The following PRKCE variants were observed in gnomAD, a reference collection of about 807,000 sequenced individuals.
The protein encoded by PRKCE is protein kinase C epsilon type.
In PRKCE, 16 loss-of-function variants were observed where a neutral mutation model predicts 85.4. The ratio of observed to expected loss-of-function variants is 0.19; its 90% CI spans 0.13 to 0.28. The LOEUF (loss-of-function observed/expected upper bound fraction) is 0.28. PRKCE is among the 10% of genes least tolerant of loss of function. The pLI is 1.00. For synonymous variants in PRKCE, 388 were observed against 371.5 expected, an observed-to-expected ratio of 1.04 and a Z score of -0.51; for missense variants, 573 against 975.2, an observed-to-expected ratio of 0.59 and a Z score of 5.49.
At chr2:46,061,312 G>T (rs572172687) in intron 10 of PRKCE, among the ~76,000 whole-genome samples, 131 of 151,978 alleles carry the variant, frequency 8.6e-4, no homozygotes, top group African/African-American at 3.2e-3. Flanking sequence ...GTTTTACCAT[G>T]TTGCTCAGGC....
At chr2:45,945,077 C>T (rs985034802) in intron 2 of PRKCE, among the ~76,000 whole-genome samples, 3 of 152,164 alleles carry the variant, frequency 2.0e-5, no homozygotes, top group South Asian at 2.1e-4. Context: ...GGCAGGGAAA[C>T]GATGGCCACA....
At chr2:45,953,315 GT>G (rs1164390251) in intron 2 of PRKCE, among the ~76,000 whole-genome samples, 1 of 152,138 alleles carries the variant, frequency 6.6e-6, no homozygotes, top group Non-Finnish European at 1.5e-5. Flanking sequence ...CTACCCACGG[GT>G]CACATATTTG....
At chr2:45,906,706 A>G (rs1004666170) in intron 2 of PRKCE, among the ~76,000 whole-genome samples, 1 of 152,210 alleles carries the variant, frequency 6.6e-6, no homozygotes, top group Non-Finnish European at 1.5e-5. Flanking sequence ...GGGAGGCAGC[A>G]GGAACCAAGG....
chr2:45,735,854 G>T (rs796463582), intron 1 of PRKCE, among the ~76,000 whole-genome samples: 1 of 152,240 alleles, frequency 6.6e-6, no homozygotes, highest in South Asian at 2.1e-4. Context: ...GTTGCGGAGG[G>T]TTGTGGAGAA....
intron 2 of PRKCE, among the ~76,000 whole-genome samples, chr2:45,974,450 G>A (rs1702305112): frequency 6.6e-6 from 1 of 152,174 alleles, no homozygotes; most frequent in African/African-American, 2.4e-5. Context: ...CAAGAAGCAA[G>A]GGGATCCACA....
At chr2:45,728,209 T>G (rs891524985) in intron 1 of PRKCE, among the ~76,000 whole-genome samples, 1 of 152,184 alleles carries the variant, frequency 6.6e-6, no homozygotes, top group East Asian at 1.9e-4. Context: ...TCTAAATAAA[T>G]TAAGGGTAGT....
At chr2:45,727,860 G>C (rs570004335) in intron 1 of PRKCE, among the ~76,000 whole-genome samples, 33 of 152,116 alleles carry the variant, frequency 2.2e-4, no homozygotes, top group African/African-American at 8.0e-4. Context: ...TCACCATGTT[G>C]GTCAGGCTGG....
chr2:45,842,379 C>A (rs527728023), intron 1 of PRKCE, among the ~76,000 whole-genome samples: 1 of 152,238 alleles, frequency 6.6e-6, no homozygotes, highest in East Asian at 1.9e-4. Flanking sequence ...CAGCATTGTT[C>A]CCCATTTTTT....
intron 1 of PRKCE, among the ~76,000 whole-genome samples, chr2:45,740,147 CAA>C (rs34143359): frequency 1.5e-5 from 2 of 135,692 alleles, no homozygotes. Flanking sequence ...GACCCCATCT[CAA>C]AAAAAAAAAA....
intron 10 of PRKCE, among the ~76,000 whole-genome samples, chr2:46,065,981 C>T (rs1667590604): frequency 6.6e-6 from 1 of 152,142 alleles, no homozygotes; most frequent in Non-Finnish European, 1.5e-5. Flanking sequence ...CTGTATTGGT[C>T]CCCGACCACC....
intron 11 of PRKCE, among the ~76,000 whole-genome samples, chr2:46,126,646 T>C (rs750445978): frequency 6.6e-6 from 1 of 152,254 alleles, no homozygotes; most frequent in African/African-American, 2.4e-5. Flanking sequence ...AAAAGGCTTT[T>C]CCTGGTGGTA....
intron 1 of PRKCE, among the ~76,000 whole-genome samples, chr2:45,709,157 C>A (rs1679384693): frequency 6.6e-6 from 1 of 152,190 alleles, no homozygotes; most frequent in African/African-American, 2.4e-5. Flanking sequence ...GGTGAAGACC[C>A]CCAATTCCCT....
chr2:45,999,324 T>G (rs1358404495), intron 6 of PRKCE, among the ~76,000 whole-genome samples: 1 of 152,170 alleles, frequency 6.6e-6, no homozygotes. Context: ...TAATTTCTCC[T>G]TCACTTTTGA....
intron 8 of PRKCE, among the ~76,000 whole-genome samples, chr2:46,005,415 C>A (rs566812672): frequency 6.6e-6 from 1 of 152,296 alleles, no homozygotes; most frequent in East Asian, 1.9e-4. Context: ...CACAGCCTGA[C>A]AATGGTGCCT....
At chr2:46,048,923 A>C (rs1708687602) in intron 10 of PRKCE, among the ~76,000 whole-genome samples, 1 of 152,116 alleles carries the variant, frequency 6.6e-6, no homozygotes, top group African/African-American at 2.4e-5. Context: ...GGCACCAGTC[A>C]TGTGTTGTAA....
In PRKCE at chr2:45,665,024, G is replaced by A. The variant is rs565472177; in HGVS notation, c.348+12576G>A. On this transcript the variant is annotated intron_variant, in intron 1 of 14. Transcript: ENST00000306156. ...AGAGCAAAGCTTTGCTTTCCACCAC[G>A]ATGTTGGAATTGCTAAAGAGTAACA... Among the ~76,000 whole-genome samples, 7 of 152,208 alleles carry A rather than the reference G, an allele frequency of 4.6e-5. No homozygotes were observed. The South Asian group carries it at 6.2e-4, about 14-fold the overall frequency.
intron 10 of PRKCE, among the ~76,000 whole-genome samples, chr2:46,022,649 C>T (rs1383394317): frequency 5.3e-5 from 8 of 152,236 alleles, no homozygotes; most frequent in African/African-American, 1.9e-4. Context: ...GTTCCAAACT[C>T]AAACACATTT....
chr2:45,964,562 T>C (rs1701608332), intron 2 of PRKCE, among the ~76,000 whole-genome samples: 1 of 152,228 alleles, frequency 6.6e-6, no homozygotes, highest in Non-Finnish European at 1.5e-5. Context: ...ACCAGAAGCA[T>C]GCAGTAAAGT....
chr2:46,060,553 T>C (rs1667012131), intron 10 of PRKCE, among the ~76,000 whole-genome samples: 1 of 152,096 alleles, frequency 6.6e-6, no homozygotes, highest in Non-Finnish European at 1.5e-5. Flanking sequence ...CCAATCTTGT[T>C]AGCTCCCAAA....
Sources: allele counts gnomAD v4.1 joint callset (sites outside exome capture counted in the v4.1 genomes callset), GRCh38; gene constraint gnomAD v4.1.1; transcripts MANE v1.5; gene names NCBI Gene and HGNC (gene_info 2026-07-23, HGNC 2026-07-21).